Variants in FSHR observed in about 807,000 individuals in gnomAD.
FSHR encodes follicle stimulating hormone receptor.
A neutral mutation model predicts 52.1 loss-of-function variants in FSHR; 46 were observed. The observed-to-expected ratio is 0.88, with a 90% CI of 0.70 to 1.13. The LOEUF (loss-of-function observed/expected upper bound fraction) is 1.13, where lower values mean the gene tolerates loss of function less well. Among genes scored for constraint, FSHR ranks in the 50% most tolerant of loss-of-function variants. The pLI, the probability that FSHR is intolerant of heterozygous loss-of-function variation, is 0.00. For missense variants in FSHR, 964 were observed against 834.6 expected, an observed-to-expected ratio of 1.16 and a Z score of -1.91; for synonymous variants, 399 against 309.6, an observed-to-expected ratio of 1.29 and a Z score of -3.03.
chr2:49,009,112 T>C (rs1667176553), intron 4 of FSHR, among the ~76,000 whole-genome samples: 1 of 151,884 alleles, frequency 6.6e-6, no homozygotes, highest in African/African-American at 2.4e-5. Flanking sequence ...CATGCCTATG[T>C]CCTGAATGGT....
At chr2:48,965,687 G>A (rs962155560) in intron 9 of FSHR, among the ~76,000 whole-genome samples, 10 of 152,178 alleles carry the variant, frequency 6.6e-5, no homozygotes, top group African/African-American at 2.4e-4. Context: ...CACTTCCTAT[G>A]GCTTATGGTC....
chr2:49,059,184 A>C (rs952422150), intron 2 of FSHR, among the ~76,000 whole-genome samples: 6 of 152,156 alleles, frequency 3.9e-5, no homozygotes, highest in South Asian at 4.1e-4. Flanking sequence ...CTCCTGCCTG[A>C]CTAAGACCTT....
intron 1 of FSHR, among the ~76,000 whole-genome samples, chr2:49,081,693 T>A (rs896349174): frequency 6.6e-6 from 1 of 152,204 alleles, no homozygotes; most frequent in Non-Finnish European, 1.5e-5. Flanking sequence ...TGCAGGTTAC[T>A]TAATGTTTCT....
chr2:48,973,979 T>C (rs1174418617), intron 8 of FSHR, among the ~76,000 whole-genome samples: 1 of 143,482 alleles, frequency 7.0e-6, no homozygotes, highest in Non-Finnish European at 1.5e-5. Context: ...AGATTTGGGC[T>C]CATGAAATCT....
At chr2:49,148,114 T>C (rs1454499146) in intron 1 of FSHR, among the ~76,000 whole-genome samples, 2 of 152,042 alleles carry the variant, frequency 1.3e-5, no homozygotes, top group Non-Finnish European at 2.9e-5. Flanking sequence ...TAAAGTGATT[T>C]TGTTTGGGCA....
intron 1 of FSHR, among the ~76,000 whole-genome samples, chr2:49,140,715 G>T (rs58423339): frequency 7.2e-6 from 1 of 139,730 alleles, no homozygotes; most frequent in Non-Finnish European, 1.6e-5. Flanking sequence ...AAAAAAGAGA[G>T]AAAAAAAAAA....
intron 1 of FSHR, among the ~76,000 whole-genome samples, chr2:49,123,449 T>C (rs1195605915): frequency 2.0e-5 from 3 of 152,128 alleles, no homozygotes; most frequent in African/African-American, 7.2e-5. Context: ...ATCGCATCAC[T>C]GCACTCCAGC....
chr2:48,985,952 A>G (rs1227098544), intron 6 of FSHR, among the ~76,000 whole-genome samples: 1 of 151,950 alleles, frequency 6.6e-6, no homozygotes, highest in Non-Finnish European at 1.5e-5. Flanking sequence ...TGACCTCATG[A>G]TCCACCCGCC....
chr2:49,049,617 C>T (rs1396528181), intron 2 of FSHR, among the ~76,000 whole-genome samples: 1 of 152,210 alleles, frequency 6.6e-6, no homozygotes, highest in East Asian at 1.9e-4. Context: ...AGCTTATTAG[C>T]TCACAGTGGG....
intron 4 of FSHR, chr2:49,015,015 C>T (rs1018197611): frequency 2.5e-6 from 1 of 400,426 alleles, no homozygotes; most frequent in South Asian, 2.0e-5. Flanking sequence ...GTAACAGGCA[C>T]TAATAATTTT....
chr2:49,074,950 C>T (rs548890126), intron 1 of FSHR, among the ~76,000 whole-genome samples: 36 of 152,032 alleles, frequency 2.4e-4, no homozygotes, highest in Non-Finnish European at 5.0e-4. Flanking sequence ...AAGTTGAACA[C>T]TGTATATTAT....
intron 2 of FSHR, among the ~76,000 whole-genome samples, chr2:49,044,005 C>CA (rs1352518902): frequency 6.6e-6 from 1 of 152,170 alleles, no homozygotes; most frequent in Non-Finnish European, 1.5e-5. Flanking sequence ...ATCTGGACAG[C>CA]AACATTTAGG....
intron 1 of FSHR, among the ~76,000 whole-genome samples, chr2:49,140,321 C>A (rs567982954): frequency 2.0e-5 from 3 of 151,858 alleles, no homozygotes; most frequent in Non-Finnish European, 2.9e-5. Context: ...CCACCCCCCA[C>A]CCATTCTCTC....
rs777861273 is a variant in FSHR at position 48,963,719 on chromosome 2, G to C, written c.1102C>G (p.Leu368Val). Reference sequence around the variant, plus strand: ...GCCAGGATGCTGATAAACCATATCAGGACTCTGAGGATGTTGTACCCCATG... The same window carrying C: ...GCCAGGATGCTGATAAACCATATCACGACTCTGAGGATGTTGTACCCCATG... ...DIMGYNILRV[L>V]IWFISILAIT... The change falls in exon 10 of 10, where the codon CTG becomes GTG. Residue 368 changes from leucine (L) to valine (V), a missense_variant. Coordinates refer to ENST00000406846, the MANE Select transcript of FSHR (RefSeq NM_000145.4). 5.0e-6 allele frequency: 8 copies of C among 1,614,162 alleles called. No homozygotes were observed. In the South Asian group the frequency reaches 8.8e-5, roughly 18 times the overall value.
intron 2 of FSHR, among the ~76,000 whole-genome samples, chr2:49,052,760 G>C (rs1668916460): frequency 6.6e-6 from 1 of 152,146 alleles, no homozygotes; most frequent in South Asian, 2.1e-4. Flanking sequence ...AGGCTGCTTT[G>C]ACCATTAACT....
chr2:48,973,786 TAGAC>T (rs1386899492), intron 8 of FSHR, among the ~76,000 whole-genome samples: 1 of 152,198 alleles, frequency 6.6e-6, no homozygotes, highest in Non-Finnish European at 1.5e-5. Context: ...GGAAAGGAAA[TAGAC>T]AGATCACCCC....
chr2:49,004,467 G>A (rs375180964), intron 4 of FSHR, among the ~76,000 whole-genome samples: 10 of 152,276 alleles, frequency 6.6e-5, no homozygotes, highest in Non-Finnish European at 1.2e-4. Context: ...AGGGCCCCTC[G>A]TGTGGGGCCT....
chr2:49,028,144 G>A (rs1667973977), intron 2 of FSHR, among the ~76,000 whole-genome samples: 1 of 152,136 alleles, frequency 6.6e-6, no homozygotes, highest in Admixed American at 6.5e-5. Flanking sequence ...TGACATACAA[G>A]GGACAGGGAC....
intron 4 of FSHR, among the ~76,000 whole-genome samples, chr2:49,011,669 C>T (rs1252656906): frequency 5.9e-5 from 9 of 151,932 alleles, no homozygotes; most frequent in Non-Finnish European, 1.0e-4. Context: ...TGTTAAGGTT[C>T]CTACTTTTCA....
Sources: allele counts gnomAD v4.1 joint callset (sites outside exome capture counted in the v4.1 genomes callset), GRCh38; gene constraint gnomAD v4.1.1; transcripts MANE v1.5; gene names NCBI Gene and HGNC (gene_info 2026-07-23, HGNC 2026-07-21).